FRMPD4: variants seen among roughly 807,000 people sequenced by gnomAD.
The protein encoded by FRMPD4 is FERM and PDZ domain-containing protein 4.
Under a neutral mutation model 94.1 loss-of-function variants are expected in FRMPD4, and 22 were observed. The observed-to-expected ratio is 0.23, with a 90% confidence interval of 0.17 to 0.33. The LOEUF (loss-of-function observed/expected upper bound fraction) is 0.33. Among genes scored for constraint, FRMPD4 ranks in the 10% least tolerant of loss-of-function variants. The pLI is 1.00. For synonymous variants in FRMPD4, 631 were observed against 548.6 expected, an observed-to-expected ratio of 1.15 and a Z score of -2.10; for missense variants, 1,111 against 1,339.9, an observed-to-expected ratio of 0.83 and a Z score of 2.67.
chrX:12,451,399 T>C, intron 1 of FRMPD4, among the ~76,000 whole-genome samples: 1 of 111,893 alleles, frequency 8.9e-6, no homozygotes. Flanking sequence ...GTTTTCTAAT[T>C]TTCTCCTTCC....
chrX:12,638,849 C>G (rs2059467074), intron 4 of FRMPD4, among the ~76,000 whole-genome samples: 1 of 111,124 alleles, frequency 9.0e-6, no homozygotes, highest in African/African-American at 3.3e-5. Flanking sequence ...CAGATAGCAT[C>G]AGAGTCATAG....
At chrX:12,096,667 T>C (rs1392564828) in intron 3 of FRMPD4, among the ~76,000 whole-genome samples, 1 of 111,742 alleles carries the variant, frequency 8.9e-6, no homozygotes, top group Non-Finnish European at 1.9e-5. Context: ...GTAGGGTTAC[T>C]TGAGCCCAGG....
chrX:12,121,407 T>A (rs955411675), intron 3 of FRMPD4, among the ~76,000 whole-genome samples: 3 of 112,315 alleles, frequency 2.7e-5, no homozygotes, highest in African/African-American at 9.7e-5. Flanking sequence ...TTTAAACATT[T>A]TTCAGTTTTA....
At chrX:12,148,976 C>G (rs1443336236) in intron 1 of FRMPD4, 1 of 111,935 alleles carries the variant, frequency 8.9e-6, no homozygotes, top group East Asian at 2.8e-4. Context: ...TATTACTGCC[C>G]ATTGACAATG....
At chrX:12,313,955 T>G (rs959777906) in intron 1 of FRMPD4, among the ~76,000 whole-genome samples, 2 of 112,547 alleles carry the variant, frequency 1.8e-5, no homozygotes, top group South Asian at 7.3e-4. Flanking sequence ...GTAAATTTGT[T>G]AAGCTAGAAA....
Position 12,718,702 on chromosome X carries a change from T to C in FRMPD4, c.3876T>C (p.Pro1292=). 1 of 1,208,655 alleles carries C rather than the reference T, an allele frequency of 8.3e-7. No individual in the cohort carries two copies. The highest frequency in any genetic ancestry group is 1.1e-6 in the Non-Finnish European group (1 of 892,597). ...TEGMCPRMTV[P]ALHTAINTEP... is the part of the protein sequence containing the mutation. The stretch of plus-strand genomic sequence containing the variant: ...GGATGTGTCCACGGATGACAGTGCC[T>C]GCTCTGCACACAGCCATTAACACCG... Residue 1292 remains proline (P), a synonymous_variant, in exon 16 of 17, where the codon CCT becomes CCC. Coordinates refer to ENST00000675598, the MANE Select transcript of FRMPD4 (RefSeq NM_001368397.1).
chrX:12,674,812 G>C (rs778238913), intron 4 of FRMPD4, 51 bp from the exon 5 acceptor site: 1 of 761,087 alleles, frequency 1.3e-6, no homozygotes, highest in African/African-American at 2.0e-5. Flanking sequence ...TTACTAGTTA[G>C]AGTCCGGGCT....
chrX:11,886,949 C>A (rs926433639), intron 3 of FRMPD4, among the ~76,000 whole-genome samples: 6 of 110,392 alleles, frequency 5.4e-5, no homozygotes, highest in African/African-American at 2.0e-4. Flanking sequence ...ATTGTTCCTC[C>A]CCACCACTCT....
intron 1 of FRMPD4, among the ~76,000 whole-genome samples, chrX:12,155,261 G>A (rs868608924): frequency 1.8e-5 from 2 of 111,973 alleles, no homozygotes; most frequent in South Asian, 3.7e-4. Flanking sequence ...GCTATTGATT[G>A]CAGAAGAAAA....
In FRMPD4 at chrX:11,991,862, C is replaced by T. The variant is rs192854905; in HGVS notation, c.95+113844C>T. Among the ~76,000 whole-genome samples the T allele has an allele frequency of 7.1e-5, 8 of 112,009 alleles. No individual in the cohort carries two copies. The East Asian group carries it at 8.4e-4, about 12-fold the overall frequency. ...GAGTAGGAGATAACAATACCTTTGA[C>T]GTTGATAAAGCACGTATCTTAGTTG... On this transcript the variant is annotated intron_variant, in intron 3 of 18. Transcript: ENST00000640291.
At chrX:11,993,106 A>T (rs2054474323) in intron 3 of FRMPD4, among the ~76,000 whole-genome samples, 1 of 108,821 alleles carries the variant, frequency 9.2e-6, no homozygotes, top group East Asian at 2.9e-4. Flanking sequence ...ACACCTTTTT[A>T]ACTGGAGAGA....
chrX:12,254,098 T>A (rs1158262738), intron 1 of FRMPD4, among the ~76,000 whole-genome samples: 2 of 111,862 alleles, frequency 1.8e-5, no homozygotes, highest in Non-Finnish European at 3.8e-5. Context: ...GTGGCTGTAG[T>A]TAGCCATTTT....
At chrX:12,257,628 T>G (rs1394878664) in intron 1 of FRMPD4, among the ~76,000 whole-genome samples, 2 of 111,666 alleles carry the variant, frequency 1.8e-5, no homozygotes, top group Non-Finnish European at 3.8e-5. Context: ...ATGGGAATAT[T>G]TTTTGGTTAA....
intron 3 of FRMPD4, among the ~76,000 whole-genome samples, chrX:11,882,154 G>A (rs1007888928): frequency 8.1e-5 from 9 of 111,441 alleles, no homozygotes; most frequent in African/African-American, 9.8e-5. Context: ...ATTGCCTGGC[G>A]GACTGGGAGG....
intron 3 of FRMPD4, among the ~76,000 whole-genome samples, chrX:11,897,166 A>G (rs1220578535): frequency 9.1e-6 from 1 of 109,514 alleles, no homozygotes; most frequent in Non-Finnish European, 1.9e-5. Flanking sequence ...AAAAAAAAAA[A>G]GAAAGAAAAA....
chrX:11,925,957 G>T (rs777117694), intron 3 of FRMPD4, among the ~76,000 whole-genome samples: 4 of 110,738 alleles, frequency 3.6e-5, no homozygotes, highest in South Asian at 3.8e-4. Context: ...CCAGGAGCTG[G>T]TTTTTTGAAA....
intron 2 of FRMPD4, among the ~76,000 whole-genome samples, chrX:12,549,641 G>A (rs1348750657): frequency 1.8e-5 from 2 of 112,192 alleles, no homozygotes; most frequent in Admixed American, 9.5e-5. Context: ...TTCTGAATCA[G>A]AGCTACAAAA....
chrX:12,011,906 A>AT (rs370370680), intron 3 of FRMPD4, among the ~76,000 whole-genome samples: 10,039 of 99,034 alleles, frequency 0.1, 483 homozygotes, highest in East Asian at 0.23. Context: ...TACGATCTGA[A>AT]TTTTTTTTTT....
intron 3 of FRMPD4, among the ~76,000 whole-genome samples, chrX:12,059,016 T>C (rs1471917613): frequency 8.9e-6 from 1 of 111,978 alleles, no homozygotes. Flanking sequence ...TTTTTTACAC[T>C]TTTAATAAGC....
Sources: gnomAD v4.1 joint callset for allele counts (sites outside exome capture counted in the v4.1 genomes callset) on GRCh38, gnomAD v4.1.1 for gene constraint, MANE v1.5 for transcripts, NCBI Gene and HGNC (gene_info 2026-07-23, HGNC 2026-07-21) for gene names.